The following CADM2 variants were observed in gnomAD, a reference collection of about 807,000 sequenced individuals.
CADM2 encodes the protein cell adhesion molecule 2, also known as immunoglobulin superfamily member 4D.
A neutral mutation model predicts 49.8 loss-of-function variants in CADM2; 12 were observed. The ratio of observed to expected loss-of-function variants is 0.24; its 90% CI spans 0.15 to 0.39. The LOEUF (loss-of-function observed/expected upper bound fraction) is 0.39. Ranked by LOEUF, CADM2 falls within the 10% of genes least tolerant of loss-of-function variation. The pLI is 1.00. For synonymous variants in CADM2, 214 were observed against 175.4 expected, an observed-to-expected ratio of 1.22 and a Z score of -1.74; for missense variants, 378 against 492.3, an observed-to-expected ratio of 0.77 and a Z score of 2.20.
intron 1 of CADM2, among the ~76,000 whole-genome samples, chr3:85,036,621 G>T (rs2035222938): frequency 2.6e-5 from 4 of 152,064 alleles, no homozygotes; most frequent in East Asian, 1.9e-4. Flanking sequence ...TAGCAAAAAA[G>T]AATGTTATCC....
intron 1 of CADM2, among the ~76,000 whole-genome samples, chr3:85,680,052 A>AT (rs1356201475): frequency 1.3e-5 from 2 of 152,034 alleles, no homozygotes; most frequent in Non-Finnish European, 2.9e-5. Flanking sequence ...GAATACTAAG[A>AT]TTTTCTTTGG....
intron 1 of CADM2, among the ~76,000 whole-genome samples, chr3:85,364,816 G>T (rs2032625772): frequency 6.6e-6 from 1 of 152,104 alleles, no homozygotes; most frequent in African/African-American, 2.4e-5. Flanking sequence ...ACGACGCCAA[G>T]GAACATACCC....
chr3:85,157,013 G>T (rs371865393), intron 1 of CADM2, among the ~76,000 whole-genome samples: 5 of 151,850 alleles, frequency 3.3e-5, no homozygotes, highest in Non-Finnish European at 5.9e-5. Context: ...AAATCAATGT[G>T]CAAAAATCGC....
At chr3:85,233,026 G>T (rs556544463) in intron 1 of CADM2, among the ~76,000 whole-genome samples, 1 of 152,232 alleles carries the variant, frequency 6.6e-6, no homozygotes, top group African/African-American at 2.4e-5. Flanking sequence ...AGCAAATGAG[G>T]TAATTCATAT....
chr3:85,668,751 G>A (rs576758862), intron 1 of CADM2, among the ~76,000 whole-genome samples: 1 of 152,186 alleles, frequency 6.6e-6, no homozygotes, highest in Non-Finnish European at 1.5e-5. Context: ...AAATTGCCCA[G>A]TCTCGGATAT....
intron 1 of CADM2, among the ~76,000 whole-genome samples, chr3:85,675,325 T>A (rs552228228): frequency 6.6e-6 from 1 of 152,332 alleles, no homozygotes; most frequent in African/African-American, 2.4e-5. Flanking sequence ...CAGGAATTTA[T>A]TTAATTTTTC....
intron 1 of CADM2, among the ~76,000 whole-genome samples, chr3:85,566,442 C>G (rs2062258680): frequency 6.6e-6 from 1 of 152,086 alleles, no homozygotes; most frequent in African/African-American, 2.4e-5. Flanking sequence ...ACACATTACT[C>G]AATTTGTCCA....
intron 1 of CADM2, among the ~76,000 whole-genome samples, chr3:85,398,173 C>G (rs990453280): frequency 6.6e-6 from 1 of 151,780 alleles, no homozygotes; most frequent in African/African-American, 2.4e-5. Context: ...CACCCCATGA[C>G]AGGCTCCAGT....
chr3:85,157,514 A>AC (rs1290080194), intron 1 of CADM2, among the ~76,000 whole-genome samples: 5 of 152,172 alleles, frequency 3.3e-5, no homozygotes, highest in Non-Finnish European at 7.3e-5. Flanking sequence ...GAAACAGAAC[A>AC]GAGCCCTCAG....
intron 1 of CADM2, among the ~76,000 whole-genome samples, chr3:85,111,234 A>C (rs772817019): frequency 6.6e-6 from 1 of 151,926 alleles, no homozygotes; most frequent in Non-Finnish European, 1.5e-5. Context: ...GAGAGAGAAT[A>C]TGATCCAAAT....
intron 6 of CADM2, among the ~76,000 whole-genome samples, chr3:85,931,619 G>A (rs1235890740): frequency 3.3e-5 from 5 of 152,080 alleles, no homozygotes; most frequent in African/African-American, 9.7e-5. Flanking sequence ...AGATTTGAAG[G>A]TAATGAATGA....
chr3:85,221,734 T>C (rs766120685), intron 1 of CADM2, among the ~76,000 whole-genome samples: 2 of 152,196 alleles, frequency 1.3e-5, no homozygotes, highest in Non-Finnish European at 2.9e-5. Context: ...ATAACCATTG[T>C]AAACAGGCGT....
intron 1 of CADM2, among the ~76,000 whole-genome samples, chr3:85,522,139 A>G (rs1334509807): frequency 6.6e-6 from 1 of 151,988 alleles, no homozygotes; most frequent in Admixed American, 6.6e-5. Flanking sequence ...TCATTCATTC[A>G]GGTTTTACTT....
intron 1 of CADM2, among the ~76,000 whole-genome samples, chr3:85,026,430 A>G (rs1001214300): frequency 9.2e-5 from 14 of 152,186 alleles, no homozygotes; most frequent in African/African-American, 3.4e-4. Context: ...CCTTATTCAA[A>G]ACTATTGCAA....
chr3:85,139,271 G>GT (rs2039508101), intron 1 of CADM2, among the ~76,000 whole-genome samples: 2 of 151,898 alleles, frequency 1.3e-5, no homozygotes, highest in African/African-American at 2.4e-5. Flanking sequence ...ACACAAATCT[G>GT]TTTTTTTCAA....
At chr3:85,718,828 T>C (rs965794666) in intron 1 of CADM2, among the ~76,000 whole-genome samples, 2 of 150,914 alleles carry the variant, frequency 1.3e-5, no homozygotes, top group Non-Finnish European at 3.0e-5. Flanking sequence ...AATAAAGTTC[T>C]GTTTCACCTC....
chr3:84,976,725 G>T (rs577950417), intron 1 of CADM2, among the ~76,000 whole-genome samples: 5 of 151,944 alleles, frequency 3.3e-5, no homozygotes, highest in African/African-American at 9.6e-5. Context: ...CAAATAAGAA[G>T]AGGCTTTCTT....
chr3:85,377,637 TA>T (rs1226438518), intron 1 of CADM2, among the ~76,000 whole-genome samples: 1 of 152,110 alleles, frequency 6.6e-6, no homozygotes. Flanking sequence ...ATTTCTGCTT[TA>T]AAACAGTTTA....
At chr3:85,145,805 G>A (rs1036398502) in intron 1 of CADM2, among the ~76,000 whole-genome samples, 2 of 151,964 alleles carry the variant, frequency 1.3e-5, no homozygotes, top group East Asian at 1.9e-4. Flanking sequence ...AAAATATGTG[G>A]CCTTTTGGAT....
Sources: gnomAD v4.1 joint callset for allele counts (sites outside exome capture counted in the v4.1 genomes callset) on GRCh38, gnomAD v4.1.1 for gene constraint, MANE v1.5 for transcripts, NCBI Gene and HGNC (gene_info 2026-07-23, HGNC 2026-07-21) for gene names.